The following HHIP variants were observed in gnomAD, a reference collection of about 807,000 sequenced individuals.
HHIP encodes the protein hedgehog interacting protein.
A neutral mutation model predicts 74.0 loss-of-function variants in HHIP; 12 were observed. That is an observed-to-expected ratio of 0.16 (90% CI 0.10 to 0.26). HHIP has a LOEUF of 0.26. Among genes scored for constraint, HHIP ranks in the 10% least tolerant of loss-of-function variants. HHIP has a pLI of 1.00. For synonymous variants in HHIP, 309 were observed against 311.6 expected (o/e 0.99, Z 0.09); for missense variants, 788 against 845.0 (o/e 0.93, Z 0.84).
At chr4:144,665,157 C>G (rs1728826641) in intron 4 of HHIP, among the ~76,000 whole-genome samples, 1 of 152,080 alleles carries the variant, frequency 6.6e-6, no homozygotes, top group African/African-American at 2.4e-5. Flanking sequence ...TCACTGTAAC[C>G]TCCTGGGTTC....
At chr4:144,703,170 C>T (rs975607515) in intron 4 of HHIP, among the ~76,000 whole-genome samples, 6 of 151,232 alleles carry the variant, frequency 4.0e-5, no homozygotes, top group South Asian at 4.2e-4. Flanking sequence ...GCCGAGATTG[C>T]GCCACTGCAC....
intron 4 of HHIP, among the ~76,000 whole-genome samples, chr4:144,696,375 C>A (rs988089588): frequency 6.6e-6 from 1 of 151,672 alleles, no homozygotes; most frequent in African/African-American, 2.4e-5. Context: ...TTCAGTATAT[C>A]CCACATAAGT....
rs115282885 is a variant in HHIP at position 144,742,006 on chromosome 4, G to A, written c.*4049G>A. On this transcript the variant is annotated 3_prime_UTR_variant, in exon 13 of 13. Coordinates refer to ENST00000296575, the MANE Select transcript of HHIP (RefSeq NM_022475.3). ...CCTTCTCTCTCTCTCTCCCCCTCTC[G>A]CTCTCTCGGCTAATATATATGTGTA... 4,170 of 148,706 alleles carry A rather than the reference G, an allele frequency of 0.028. 78 individuals are homozygous for A. The highest frequency in any genetic ancestry group is 0.042 in the Middle Eastern group (12 of 286). 9.2% of individuals were successfully genotyped at this position (148,706 alleles called of 1,614,324 possible).
At chr4:144,709,321 T>C (rs1730226633) in intron 7 of HHIP, among the ~76,000 whole-genome samples, 1 of 152,178 alleles carries the variant, frequency 6.6e-6, no homozygotes, top group Non-Finnish European at 1.5e-5. Flanking sequence ...TGGAGGAAAC[T>C]GTCACATTCC....
In HHIP at chr4:144,738,951, T is replaced by G. The variant is rs1048432131; in HGVS notation, c.*994T>G. 1 of 152,532 alleles carries G rather than the reference T, an allele frequency of 6.6e-6. No individual in the cohort carries two copies. Among genetic ancestry groups the G allele is most frequent in the Admixed American group, 6.5e-5 (1 of 15,280 alleles). 9.4% of individuals were successfully genotyped at this position (152,532 alleles called of 1,614,324 possible). The stretch of plus-strand genomic sequence containing the variant: ...GCATTAAACATTTGTAAAGTGCTTT[T>G]CACCATAGCAAGACTGTCAGAGTCT... On this transcript the variant is annotated 3_prime_UTR_variant, in exon 13 of 13. Coordinates refer to ENST00000296575, the MANE Select transcript of HHIP (RefSeq NM_022475.3).
At chr4:144,663,316 C>T (rs1728764687) in intron 4 of HHIP, among the ~76,000 whole-genome samples, 1 of 152,102 alleles carries the variant, frequency 6.6e-6, no homozygotes, top group Non-Finnish European at 1.5e-5. Context: ...TTCTTATACC[C>T]CAAAACAGTC....
At chr4:144,681,256 T>C (rs1207260607) in intron 4 of HHIP, among the ~76,000 whole-genome samples, 1 of 152,092 alleles carries the variant, frequency 6.6e-6, no homozygotes, top group Non-Finnish European at 1.5e-5. Context: ...TATACATTAA[T>C]CTAACTGCAG....
At chr4:144,714,199 T>C (rs1307686416) in intron 8 of HHIP, 26 bp from the exon 9 acceptor site, 8 of 1,598,774 alleles carry the variant, frequency 5.0e-6, no homozygotes, top group Non-Finnish European at 6.9e-6. Context: ...ATGTTTCATT[T>C]GATCTAATGC....
chr4:144,651,145 C>T (rs1728418512), intron 1 of HHIP, among the ~76,000 whole-genome samples: 1 of 152,004 alleles, frequency 6.6e-6, no homozygotes, highest in Non-Finnish European at 1.5e-5. Flanking sequence ...TGATAAAAGG[C>T]ATTTAAAACA....
chr4:144,729,227 A>G (rs1334096187), intron 11 of HHIP, among the ~76,000 whole-genome samples: 1 of 152,174 alleles, frequency 6.6e-6, no homozygotes, highest in Non-Finnish European at 1.5e-5. Flanking sequence ...TTTTTTAGGT[A>G]AAAGTGATGA....
chr4:144,684,755 T>G (rs1291103949), intron 4 of HHIP, among the ~76,000 whole-genome samples: 1 of 152,192 alleles, frequency 6.6e-6, no homozygotes, highest in Non-Finnish European at 1.5e-5. Context: ...TAAGGAGCCA[T>G]TTTTTATTTC....
At chr4:144,677,436 G>A (rs1333365464) in intron 4 of HHIP, among the ~76,000 whole-genome samples, 2 of 152,138 alleles carry the variant, frequency 1.3e-5, no homozygotes, top group African/African-American at 4.8e-5. Flanking sequence ...GAGAATGAGG[G>A]CTGCTTTTCC....
chr4:144,659,213 T>C (rs1728634259), intron 3 of HHIP, among the ~76,000 whole-genome samples: 4 of 152,254 alleles, frequency 2.6e-5, no homozygotes, highest in Admixed American at 2.0e-4. Context: ...ATTTTATGAT[T>C]GTTGTTAGTC....
chr4:144,664,053 G>A (rs1483538513), intron 4 of HHIP, among the ~76,000 whole-genome samples: 2 of 152,174 alleles, frequency 1.3e-5, no homozygotes, highest in African/African-American at 4.8e-5. Context: ...GGATGAAGAG[G>A]TTCACACCCT....
intron 12 of HHIP, among the ~76,000 whole-genome samples, chr4:144,737,076 C>T (rs1163376456): frequency 6.6e-6 from 1 of 152,112 alleles, no homozygotes; most frequent in East Asian, 1.9e-4. Flanking sequence ...CTTCTTATTT[C>T]CCATTTATAT....
chr4:144,671,960 G>A (rs1004033011), intron 4 of HHIP, among the ~76,000 whole-genome samples: 7 of 151,940 alleles, frequency 4.6e-5, no homozygotes. Context: ...CTCCAGCCCA[G>A]GCAACACTTC....
At chr4:144,692,301 C>T (rs1218857527) in intron 4 of HHIP, among the ~76,000 whole-genome samples, 1 of 152,130 alleles carries the variant, frequency 6.6e-6, no homozygotes, top group Non-Finnish European at 1.5e-5. Context: ...ATAGAGCCCA[C>T]ATTCTCTCCA....
At chr4:144,709,681 G>A (rs545009662) in intron 7 of HHIP, among the ~76,000 whole-genome samples, 1 of 152,266 alleles carries the variant, frequency 6.6e-6, no homozygotes, top group East Asian at 1.9e-4. Context: ...TTGCTGTGGG[G>A]TGCTGAACTA....
intron 11 of HHIP, among the ~76,000 whole-genome samples, chr4:144,733,536 A>T (rs2126689858): frequency 6.6e-6 from 1 of 152,266 alleles, no homozygotes; most frequent in South Asian, 2.1e-4. Context: ...ATCTCCAAAA[A>T]ATTGAGTCTA....
Sources: gnomAD v4.1 joint callset for allele counts (sites outside exome capture counted in the v4.1 genomes callset) on GRCh38, gnomAD v4.1.1 for gene constraint, MANE v1.5 for transcripts, NCBI Gene and HGNC (gene_info 2026-07-23, HGNC 2026-07-21) for gene names.